CDKL4: variants seen among roughly 807,000 people sequenced by gnomAD.
CDKL4 encodes the protein cyclin dependent kinase like 4, also known as cyclin-dependent kinase-like 4.
CDKL4 carries 44 observed loss-of-function variants against 42.0 expected under a neutral mutation model. The observed-to-expected ratio is 1.05, with a 90% CI of 0.82 to 1.35. CDKL4 has a LOEUF of 1.35. CDKL4 is among the 40% of genes most tolerant of loss of function. The pLI is 0.00. For synonymous variants in CDKL4, 120 were observed against 121.6 expected (o/e 0.99, Z 0.09); for missense variants, 393 against 369.9 (o/e 1.06, Z -0.51).
chr2:39,221,013 G>GTTTTTT (rs373203432), intron 3 of CDKL4, among the ~76,000 whole-genome samples: 3 of 73,802 alleles, frequency 4.1e-5, no homozygotes, highest in Non-Finnish European at 4.9e-5. Context: ...TTTTTTTTTT[G>GTTTTTT]TTTTGTTTTT....
At chr2:39,213,101 GA>G (rs145661484) in intron 4 of CDKL4, among the ~76,000 whole-genome samples, 4,526 of 152,252 alleles carry the variant, frequency 0.03, 222 homozygotes, top group African/African-American at 0.1. Context: ...AAAGAGCCAT[GA>G]ATAATGCATC....
chr2:39,246,108 G>A (rs994212791), upstream of CDKL4, among the ~76,000 whole-genome samples: 2 of 152,258 alleles, frequency 1.3e-5, no homozygotes, highest in South Asian at 2.1e-4. Flanking sequence ...AATGCTCCCC[G>A]TGATCATGGC....
chr2:39,246,010 G>A (rs536309104), upstream of CDKL4, among the ~76,000 whole-genome samples: 6 of 152,270 alleles, frequency 3.9e-5, no homozygotes, highest in African/African-American at 1.2e-4. Flanking sequence ...GAGAATTTTG[G>A]CTAGAGCTTA....
intron 5 of CDKL4, among the ~76,000 whole-genome samples, 193 bp downstream of exon 5, chr2:39,204,334 G>A (rs1247939741): frequency 6.6e-6 from 1 of 152,216 alleles, no homozygotes; most frequent in Non-Finnish European, 1.5e-5. Context: ...GGTGACATCT[G>A]ATAAATTCTA....
At chr2:39,234,439 G>T (rs1679251285) in intron 1 of CDKL4, among the ~76,000 whole-genome samples, 1 of 152,038 alleles carries the variant, frequency 6.6e-6, no homozygotes, top group Admixed American at 6.6e-5. Flanking sequence ...AAGAAAAAAA[G>T]GTAAAAGTTT....
At chr2:39,225,404 C>CAA (rs3086271) in intron 3 of CDKL4, among the ~76,000 whole-genome samples, 5,430 of 122,820 alleles carry the variant, frequency 0.044, 349 homozygotes, top group African/African-American at 0.15. Flanking sequence ...GACTCCATCT[C>CAA]AAAAAAAAAA....
At chr2:39,190,789 C>A (rs755179827) in intron 5 of CDKL4, among the ~76,000 whole-genome samples, 8 of 152,140 alleles carry the variant, frequency 5.3e-5, no homozygotes, top group Non-Finnish European at 1.2e-4. Flanking sequence ...GACTTTAAGT[C>A]TAAACCGCAT....
At chr2:39,225,083 A>G (rs962232838) in intron 3 of CDKL4, among the ~76,000 whole-genome samples, 1 of 152,168 alleles carries the variant, frequency 6.6e-6, no homozygotes, top group African/African-American at 2.4e-5. Context: ...CCTCACTTTA[A>G]TGAAAGTTCT....
At position 39,229,343 on chromosome 2, in the gene CDKL4, CATATAT is replaced by C. The variant is rs568272885; in HGVS notation, c.168+16_168+21del. 6.2e-6 allele frequency: 9 copies of C among 1,460,960 alleles called. No homozygotes were observed. The South Asian group carries it at 7.8e-5, about 13-fold the overall frequency. 90.5% of individuals were successfully genotyped at this position (1,460,960 alleles called of 1,614,324 possible). On this transcript the variant is annotated intron_variant, in intron 2 of 9. Transcript: ENST00000451199. ...TTTCACTCAATTCCATGATATTTTA[CATATAT>C]ATAAAGTTAACTTACCTTCAACATA...
intron 3 of CDKL4, among the ~76,000 whole-genome samples, chr2:39,214,300 A>C (rs1015486552): frequency 3.9e-5 from 6 of 152,220 alleles, no homozygotes; most frequent in African/African-American, 1.4e-4. Flanking sequence ...AAGTATATAC[A>C]TGAAGTCTCT....
At position 39,179,907 on chromosome 2, in the gene CDKL4, C is replaced by T. The variant is rs964838244; in HGVS notation, c.793-586G>A. ...ATATTCATATAAAAATAACTACAGG[C>T]AAAACAGAAAAGGTGACATTATGAC... On this transcript the variant is annotated intron_variant, in intron 8 of 9. Coordinates refer to ENST00000451199, the Ensembl canonical transcript of CDKL4. Among the ~76,000 whole-genome samples the T allele has an allele frequency of 3.5e-4, 54 of 152,194 alleles. 1 individual carries two copies. The highest frequency in any genetic ancestry group is 1.2e-3 in the African/African-American group (51 of 41,544).
At chr2:39,214,026 G>C (rs1254987422) in intron 3 of CDKL4, among the ~76,000 whole-genome samples, 1 of 151,922 alleles carries the variant, frequency 6.6e-6, no homozygotes, top group Non-Finnish European at 1.5e-5. Context: ...CAAGAAATTT[G>C]ATTCTCCTGC....
intron 1 of CDKL4, among the ~76,000 whole-genome samples, chr2:39,239,492 G>C (rs572866920): frequency 2.0e-5 from 3 of 152,310 alleles, no homozygotes; most frequent in South Asian, 4.1e-4. Context: ...AATACATAGA[G>C]AGCATGCTTA....
chr2:39,185,775 T>G (rs1002654121), intron 7 of CDKL4, among the ~76,000 whole-genome samples: 3 of 152,074 alleles, frequency 2.0e-5, no homozygotes. Flanking sequence ...ATATATTTTT[T>G]AAATCACTCT....
chr2:39,181,020 C>G (rs1158291510), intron 8 of CDKL4, among the ~76,000 whole-genome samples: 1 of 152,226 alleles, frequency 6.6e-6, no homozygotes, highest in East Asian at 1.9e-4. Context: ...CTGTGATAGT[C>G]TCTACTTCTT....
intron 3 of CDKL4, among the ~76,000 whole-genome samples, chr2:39,224,715 G>A (rs574576110): frequency 6.6e-5 from 10 of 151,898 alleles, no homozygotes; most frequent in African/African-American, 1.7e-4. Flanking sequence ...TGTTGGCCAG[G>A]CTTGTCTAGA....
intron 1 of CDKL4, among the ~76,000 whole-genome samples, chr2:39,239,184 C>G (rs1209399958): frequency 6.6e-6 from 1 of 151,884 alleles, no homozygotes; most frequent in Non-Finnish European, 1.5e-5. Context: ...AGACACCTCA[C>G]ACAATATAGC....
chr2:39,178,673 G>C (rs761775804), intron 9 of CDKL4: 1 of 1,606,360 alleles, frequency 6.2e-7, no homozygotes, highest in Non-Finnish European at 8.5e-7. Flanking sequence ...GTAGAATTTG[G>C]TTCCCAGATG....
At chr2:39,186,192 A>G (rs1382946727) in intron 7 of CDKL4, among the ~76,000 whole-genome samples, 1 of 152,222 alleles carries the variant, frequency 6.6e-6, no homozygotes, top group Admixed American at 6.5e-5. Context: ...TTAACCTTAT[A>G]TTACATTTGT....
Sources: allele counts gnomAD v4.1 joint callset (sites outside exome capture counted in the v4.1 genomes callset), GRCh38; gene constraint gnomAD v4.1.1; transcripts MANE v1.5; gene names NCBI Gene and HGNC (gene_info 2026-07-23, HGNC 2026-07-21).